Variants in SPMIP2 observed in about 807,000 individuals in gnomAD.
SPMIP2 encodes protein SPMIP2.
At chr4:158,921,267 C>T in the SPMIP2 span, among the ~76,000 whole-genome samples, 2 of 152,026 alleles carry the variant, frequency 1.3e-5, no homozygotes, top group Admixed American at 6.5e-5. Flanking sequence ...GGTGAAACCC[C>T]GTCTCTACTA....
chr4:158,916,950 T>C, the SPMIP2 span, among the ~76,000 whole-genome samples: 38 of 152,182 alleles, frequency 2.5e-4, no homozygotes, highest in African/African-American at 8.9e-4. Flanking sequence ...CCTGTCTGCT[T>C]TCTTTTTAAA....
the SPMIP2 span, among the ~76,000 whole-genome samples, chr4:158,980,767 A>C: frequency 6.6e-6 from 1 of 152,236 alleles, no homozygotes; most frequent in Non-Finnish European, 1.5e-5. Flanking sequence ...CACCGCAAAA[A>C]GACTGAAAAT....
chr4:159,033,986 A>G, the SPMIP2 span, among the ~76,000 whole-genome samples: 3 of 152,140 alleles, frequency 2.0e-5, no homozygotes, highest in Non-Finnish European at 4.4e-5. Flanking sequence ...ATAAATAAAT[A>G]AACAACCACA....
chr4:158,980,893 G>A, the SPMIP2 span, among the ~76,000 whole-genome samples: 1 of 152,148 alleles, frequency 6.6e-6, no homozygotes, highest in Non-Finnish European at 1.5e-5. Flanking sequence ...CTCAAAGGGT[G>A]AGTAATAACA....
chr4:159,019,351 A>G, the SPMIP2 span, among the ~76,000 whole-genome samples: 4 of 149,354 alleles, frequency 2.7e-5, no homozygotes, highest in African/African-American at 9.8e-5. Context: ...AGTGAATGTC[A>G]CCTCTCATAA....
chr4:159,039,403 C>G, the SPMIP2 span, among the ~76,000 whole-genome samples: 1 of 152,130 alleles, frequency 6.6e-6, no homozygotes, highest in African/African-American at 2.4e-5. Flanking sequence ...CTAAGCCAGG[C>G]ACAGAGGAGA....
chr4:158,959,432 C>A, the SPMIP2 span, among the ~76,000 whole-genome samples: 4 of 45,016 alleles, frequency 8.9e-5, no homozygotes, highest in African/African-American at 2.0e-4. Context: ...TAGGAATTGC[C>A]CACTAAGGTA....
the SPMIP2 span, among the ~76,000 whole-genome samples, chr4:159,011,365 T>C: frequency 1.3e-5 from 2 of 152,224 alleles, no homozygotes; most frequent in African/African-American, 2.4e-5. Context: ...CTGGGATTAA[T>C]TGAAGTATTT....
At chr4:158,907,128 TCTAGCATGTTGC>T in the SPMIP2 span, 1 of 152,250 alleles carries the variant, frequency 6.6e-6, no homozygotes, top group African/African-American at 2.4e-5. Context: ...TGGACCTCTT[TCTAGCATGTTGC>T]AGTTTTATTT....
chr4:159,073,339 G>C, the SPMIP2 span, among the ~76,000 whole-genome samples: 1 of 151,776 alleles, frequency 6.6e-6, no homozygotes, highest in Non-Finnish European at 1.5e-5. Context: ...TATTTTGTAG[G>C]AATGGGGTTT....
At chr4:158,910,746 C>T in the SPMIP2 span, among the ~76,000 whole-genome samples, 1 of 152,222 alleles carries the variant, frequency 6.6e-6, no homozygotes, top group Non-Finnish European at 1.5e-5. Flanking sequence ...TGCCTTCAGG[C>T]TGGAGCTGCA....
the SPMIP2 span, among the ~76,000 whole-genome samples, chr4:158,946,753 G>T: frequency 1.3e-5 from 2 of 152,110 alleles, no homozygotes; most frequent in African/African-American, 4.8e-5. Context: ...TTTCTCCCTT[G>T]TGGCACCTAC....
At chr4:159,021,930 TCCG>T in the SPMIP2 span, among the ~76,000 whole-genome samples, 1 of 152,186 alleles carries the variant, frequency 6.6e-6, no homozygotes, top group Non-Finnish European at 1.5e-5. Context: ...TATAGAATCC[TCCG>T]AAAAGGAAAT....
the SPMIP2 span, among the ~76,000 whole-genome samples, chr4:158,938,559 C>A: frequency 1.3e-5 from 2 of 152,306 alleles, no homozygotes; most frequent in East Asian, 3.9e-4. Context: ...CACTTACTCG[C>A]TAATTTGCCA....
chr4:159,002,979 G>A, the SPMIP2 span, among the ~76,000 whole-genome samples: 1 of 152,166 alleles, frequency 6.6e-6, no homozygotes, highest in African/African-American at 2.4e-5. Flanking sequence ...AATTTCCACT[G>A]TTCCTCTAAA....
chr4:158,953,979 A>AAGG, the SPMIP2 span, among the ~76,000 whole-genome samples: 1 of 152,206 alleles, frequency 6.6e-6, no homozygotes, highest in Non-Finnish European at 1.5e-5. Flanking sequence ...TCATAGGCAG[A>AAGG]AGGGACTTGC....
chr4:159,041,833 CTTG>C, the SPMIP2 span, among the ~76,000 whole-genome samples: 2 of 152,216 alleles, frequency 1.3e-5, no homozygotes, highest in African/African-American at 4.8e-5. Context: ...CCAAACTTTT[CTTG>C]TTATCTGCAC....
chr4:158,933,299 C>CA, the SPMIP2 span, among the ~76,000 whole-genome samples: 1 of 152,104 alleles, frequency 6.6e-6, no homozygotes, highest in Non-Finnish European at 1.5e-5. Context: ...CCAGTGTTTT[C>CA]AAAAAGGTGA....
At chr4:158,971,940 G>A in the SPMIP2 span, among the ~76,000 whole-genome samples, 2 of 152,154 alleles carry the variant, frequency 1.3e-5, no homozygotes, top group African/African-American at 4.8e-5. Flanking sequence ...ATGTAGAAGA[G>A]GCGCAAACAA....
Sources: allele counts gnomAD v4.1 joint callset (sites outside exome capture counted in the v4.1 genomes callset), GRCh38; gene constraint gnomAD v4.1.1; transcripts MANE v1.5; gene names NCBI Gene and HGNC (gene_info 2026-07-23, HGNC 2026-07-21).